Variants in ARHGEF10L observed in about 807,000 individuals in gnomAD.
ARHGEF10L encodes the protein rho guanine nucleotide exchange factor 10-like protein.
A neutral mutation model predicts 141.2 loss-of-function variants in ARHGEF10L; 69 were observed. The ratio of observed to expected loss-of-function variants is 0.49; its 90% CI spans 0.40 to 0.60. The LOEUF is 0.60. ARHGEF10L is among the 20% of genes least tolerant of loss of function. ARHGEF10L has a pLI of 0.00. For synonymous variants in ARHGEF10L, 711 were observed against 718.5 expected (o/e 0.99, Z 0.17); for missense variants, 1,482 against 1,734.3 (o/e 0.85, Z 2.58).
chr1:17,585,939 G>A (rs959282370), intron 2 of ARHGEF10L, among the ~76,000 whole-genome samples: 1 of 152,036 alleles, frequency 6.6e-6, no homozygotes, highest in Non-Finnish European at 1.5e-5. Flanking sequence ...TTACATATAC[G>A]GGCACTGTGC....
chr1:17,664,675 C>T (rs1050307374), intron 26 of ARHGEF10L, 80 bp downstream of exon 26: 49 of 1,399,928 alleles, frequency 3.5e-5, no homozygotes, highest in Middle Eastern at 1.9e-4. Flanking sequence ...ACCCCGGCAC[C>T]GCTTTCAGCT....
Position 17,687,748 on chromosome 1 carries a change from G to A in ARHGEF10L, c.3184+1G>A. ...ACCAGGACCACCTTCCTCCTGCCAG[G>A]TGAGGCTGCCTCGGGCACGGGGGAG... is the stretch of plus-strand genomic sequence containing the variant. On this transcript the variant is annotated splice_donor_variant, in intron 27 of 28. Transcript: ENST00000361221. LOFTEE classifies it high-confidence loss of function. 2.5e-6 allele frequency: 4 copies of A among 1,573,510 alleles called. No individual in the cohort carries two copies. The highest frequency in any genetic ancestry group is 3.5e-6 in the Non-Finnish European group (4 of 1,158,034).
At chr1:17,646,466 C>A (rs2061605118) in intron 21 of ARHGEF10L, among the ~76,000 whole-genome samples, 1 of 152,232 alleles carries the variant, frequency 6.6e-6, no homozygotes, top group Non-Finnish European at 1.5e-5. Context: ...GGGTCCAGCC[C>A]TGCGTGGGTG....
At chr1:17,555,134 A>G (rs2077259535) in intron 1 of ARHGEF10L, among the ~76,000 whole-genome samples, 1 of 152,212 alleles carries the variant, frequency 6.6e-6, no homozygotes, top group Non-Finnish European at 1.5e-5. Flanking sequence ...TAGCTGCGTC[A>G]TGGTTTAAGC....
intron 9 of ARHGEF10L, among the ~76,000 whole-genome samples, chr1:17,618,903 T>TG (rs1474054502): frequency 6.6e-6 from 1 of 152,234 alleles, no homozygotes; most frequent in African/African-American, 2.4e-5. Context: ...CACGCTGCCC[T>TG]GTTCTTCTCG....
At position 17,654,366 on chromosome 1, in the gene ARHGEF10L, CTG is replaced by C. The variant is rs1033043466; in HGVS notation, c.2395-269_2395-268del. Among the ~76,000 whole-genome samples, 28 of 152,322 alleles carry C rather than the reference CTG, an allele frequency of 1.8e-4. No individual in the cohort carries two copies. Among genetic ancestry groups the C allele is most frequent in the African/African-American group, 6.3e-4 (26 of 41,576 alleles). On this transcript the variant is annotated intron_variant, in intron 22 of 28. Coordinates refer to ENST00000361221, the MANE Select transcript of ARHGEF10L (RefSeq NM_018125.4). The surrounding 1 kb of genome is among the most constrained non-coding windows in gnomAD (Gnocchi z 4.3). ...GTGGGTGGCTTTCAAGAAATCTTATCTGAAAGCTGCTCACTTTCAGAGACCCT... is the reference window on the plus strand; with the variant it reads ...GTGGGTGGCTTTCAAGAAATCTTATCAAAGCTGCTCACTTTCAGAGACCCT...
chr1:17,558,285 C>CCGCCCATTTATTCACCCACT lies in ARHGEF10L; in HGVS notation c.-44+18337_-44+18356dup, dbSNP rs1553171658. Among the ~76,000 whole-genome samples, 1 of 152,186 alleles carries CCGCCCATTTATTCACCCACT rather than the reference C, an allele frequency of 6.6e-6. No individual in the cohort carries two copies. Among genetic ancestry groups the CCGCCCATTTATTCACCCACT allele is most frequent in the African/African-American group, 2.4e-5 (1 of 41,440 alleles). ...TTCATTCATCTATCCATCCACCCAC[C>CCGCCCATTTATTCACCCACT]CGCCCATTTATTCACCCACTCATCC... On this transcript the variant is annotated intron_variant, in intron 1 of 28. Coordinates refer to ENST00000361221, the MANE Select transcript of ARHGEF10L (RefSeq NM_018125.4). This position sits in a 1 kb window ranked among gnomAD's most constrained non-coding sequence, Gnocchi z 4.2.
chr1:17,638,239 G>A (rs2061129365), intron 19 of ARHGEF10L, among the ~76,000 whole-genome samples: 12 of 152,252 alleles, frequency 7.9e-5, no homozygotes. Context: ...GAGCCTGGCT[G>A]TGGGGCCTTT....
Position 17,579,704 on chromosome 1 carries a change from G to A in ARHGEF10L, c.-43-849G>A, listed in dbSNP as rs541232250. Among the ~76,000 whole-genome samples the A allele has an allele frequency of 1.0e-3, 154 of 152,324 alleles. 1 individual carries two copies. The South Asian group carries it at 0.029, about 28-fold the overall frequency. ...ACACAGCCGGTTTGTGGCCTGGGCA[G>A]ATTAGACCAGGGGGCTGGGTGCTTT... is the stretch of plus-strand genomic sequence containing the variant. On this transcript the variant is annotated intron_variant, in intron 1 of 28. Coordinates refer to ENST00000361221, the MANE Select transcript of ARHGEF10L (RefSeq NM_018125.4).
rs2061189184 is a variant in ARHGEF10L at position 17,639,197 on chromosome 1, T to G, written c.2171+508T>G. On this transcript the variant is annotated intron_variant, in intron 20 of 28. Transcript: ENST00000361221. This position sits in a 1 kb window ranked among gnomAD's most constrained non-coding sequence, Gnocchi z 4.3. ...GGGAACGGGATCTTTCTGGTCCTCC[T>G]GAGGCTTTGTAAGTTGGGTCTTTTT... Among the ~76,000 whole-genome samples, 1 of 152,264 alleles carries G rather than the reference T, an allele frequency of 6.6e-6. No individual in the cohort carries two copies. Among genetic ancestry groups the G allele is most frequent in the African/African-American group, 2.4e-5 (1 of 41,480 alleles).
At chr1:17,652,036 C>T (rs2061966165) in intron 22 of ARHGEF10L, among the ~76,000 whole-genome samples, 2 of 152,244 alleles carry the variant, frequency 1.3e-5, no homozygotes, top group African/African-American at 4.8e-5. Flanking sequence ...CCTTCCAGCT[C>T]ACCACGTTTC....
intron 1 of ARHGEF10L, among the ~76,000 whole-genome samples, chr1:17,557,662 C>A (rs547103401): frequency 6.6e-6 from 1 of 152,228 alleles, no homozygotes; most frequent in African/African-American, 2.4e-5. Context: ...ATCATTCGTT[C>A]GACAAGTATG....
chr1:17,631,645 G>A (rs1448335491), intron 15 of ARHGEF10L, among the ~76,000 whole-genome samples: 2 of 152,304 alleles, frequency 1.3e-5, no homozygotes, highest in South Asian at 2.1e-4. Context: ...CACGTGACCC[G>A]TGTCATCACA....
rs948969993 is a variant in ARHGEF10L, at chr1:17,621,124, T to TG, written c.943-734dup. Among the ~76,000 whole-genome samples the TG allele has an allele frequency of 2.0e-5, 3 of 152,142 alleles. No homozygotes were observed. The highest frequency in any genetic ancestry group is 6.5e-5 in the Admixed American group (1 of 15,272). On this transcript the variant is annotated intron_variant, in intron 10 of 28. Coordinates refer to ENST00000361221, the MANE Select transcript of ARHGEF10L (RefSeq NM_018125.4). This position sits in a 1 kb window ranked among gnomAD's most constrained non-coding sequence, Gnocchi z 4.1. ...TAGCCAGAAGCAGAGACCACTCGTG[T>TG]GGGGGGACGGTACCCCAAGGCCTGT...
chr1:17,650,823 G>C (rs770883212), intron 22 of ARHGEF10L, among the ~76,000 whole-genome samples: 1 of 152,092 alleles, frequency 6.6e-6, no homozygotes, highest in Non-Finnish European at 1.5e-5. Context: ...ACTTGATGTG[G>C]GCGGAGGCCA....
chr1:17,642,703 G>A (rs1317803400), intron 21 of ARHGEF10L, among the ~76,000 whole-genome samples: 1 of 152,206 alleles, frequency 6.6e-6, no homozygotes, highest in Non-Finnish European at 1.5e-5. Flanking sequence ...AAGGCCTTTG[G>A]AGGGTGCAGA....
At chr1:17,531,004 C>CA in the ARHGEF10L span, among the ~76,000 whole-genome samples, 38 of 144,820 alleles carry the variant, frequency 2.6e-4, no homozygotes, top group Middle Eastern at 3.5e-3. Flanking sequence ...GACTCCATCT[C>CA]AAAAAAAAAT....
intron 6 of ARHGEF10L, among the ~76,000 whole-genome samples, chr1:17,605,936 G>T (rs1248857467): frequency 6.6e-6 from 1 of 152,178 alleles, no homozygotes; most frequent in Non-Finnish European, 1.5e-5. Context: ...ATAGCCTCAT[G>T]TTCCCTCCTG....
chr1:17,628,032 A>AC (rs1312545752), intron 15 of ARHGEF10L, among the ~76,000 whole-genome samples: 1 of 148,230 alleles, frequency 6.7e-6, no homozygotes, highest in Non-Finnish European at 1.5e-5. Context: ...GGAACATGCT[A>AC]TTAAAAAAAA....
Sources: allele counts gnomAD v4.1 joint callset (sites outside exome capture counted in the v4.1 genomes callset), GRCh38; gene constraint gnomAD v4.1.1; non-coding constraint Gnocchi (gnomAD v3.1); transcripts MANE v1.5; gene names NCBI Gene and HGNC (gene_info 2026-07-23, HGNC 2026-07-21).